DPP10: variants seen among roughly 807,000 people sequenced by gnomAD.
DPP10 encodes inactive dipeptidyl peptidase 10.
DPP10 carries 33 observed loss-of-function variants against 120.9 expected under a neutral mutation model. The observed-to-expected ratio is 0.27, with a 90% CI of 0.21 to 0.37. The LOEUF (loss-of-function observed/expected upper bound fraction) is 0.37, where lower values mean the gene tolerates loss of function less well. Among genes scored for constraint, DPP10 ranks in the 10% least tolerant of loss-of-function variants. DPP10 has a pLI of 1.00. For missense variants in DPP10, 816 were observed against 942.8 expected (o/e 0.87, Z 1.76); for synonymous variants, 337 against 326.1 (o/e 1.03, Z -0.36).
intron 1 of DPP10, among the ~76,000 whole-genome samples, chr2:114,443,132 A>G (rs1677751786): frequency 1.3e-5 from 2 of 152,030 alleles, no homozygotes; most frequent in Non-Finnish European, 2.9e-5. Flanking sequence ...TTTCCAGTCC[A>G]TGCCAATTTT....
At chr2:115,427,295 G>A (rs183527577) in intron 3 of DPP10, among the ~76,000 whole-genome samples, 22 of 152,288 alleles carry the variant, frequency 1.4e-4, no homozygotes, top group African/African-American at 4.1e-4. Flanking sequence ...TTCCAACCCC[G>A]CATTTCCCCA....
chr2:115,621,765 C>T (rs529797498), intron 5 of DPP10, among the ~76,000 whole-genome samples: 4 of 152,094 alleles, frequency 2.6e-5, no homozygotes, highest in South Asian at 4.1e-4. Flanking sequence ...CTGCAACCTC[C>T]GCCTCCCAGG....
At chr2:115,250,957 G>T (rs2058726250) in intron 1 of DPP10, among the ~76,000 whole-genome samples, 1 of 152,184 alleles carries the variant, frequency 6.6e-6, no homozygotes, top group Non-Finnish European at 1.5e-5. Context: ...CCTGCCAGCA[G>T]TAGTGGACAG....
intron 1 of DPP10, among the ~76,000 whole-genome samples, chr2:114,557,440 T>C (rs1688414700): frequency 6.6e-6 from 1 of 152,160 alleles, no homozygotes; most frequent in African/African-American, 2.4e-5. Flanking sequence ...GAAAGAGAAG[T>C]GGAGACCAAC....
At chr2:114,919,812 A>G (rs1484353853) in intron 1 of DPP10, among the ~76,000 whole-genome samples, 3 of 152,146 alleles carry the variant, frequency 2.0e-5, no homozygotes, top group Non-Finnish European at 2.9e-5. Context: ...TGATGTTTTG[A>G]GCTGAAGGCA....
intron 1 of DPP10, among the ~76,000 whole-genome samples, chr2:115,245,954 A>G (rs1214964679): frequency 6.6e-6 from 1 of 152,090 alleles, no homozygotes; most frequent in African/African-American, 2.4e-5. Flanking sequence ...TTTTGAGCTG[A>G]TGTTAGGTTT....
intron 1 of DPP10, among the ~76,000 whole-genome samples, chr2:114,911,908 C>G (rs986842133): frequency 6.6e-6 from 1 of 152,070 alleles, no homozygotes; most frequent in South Asian, 2.1e-4. Context: ...GAGAGAGCAG[C>G]CTCAGTTAGA....
chr2:115,364,546 A>G (rs2064972341), intron 3 of DPP10, among the ~76,000 whole-genome samples: 1 of 151,976 alleles, frequency 6.6e-6, no homozygotes, highest in Non-Finnish European at 1.5e-5. Context: ...ATTTTTCCAT[A>G]CAAAAAGCAA....
At chr2:115,800,782 C>A (rs973258671) in intron 19 of DPP10, among the ~76,000 whole-genome samples, 1 of 152,058 alleles carries the variant, frequency 6.6e-6, no homozygotes, top group Non-Finnish European at 1.5e-5. Flanking sequence ...CTGTTCTGTT[C>A]CATTGGTCTA....
At chr2:115,088,730 CT>C (rs1708949859) in intron 1 of DPP10, among the ~76,000 whole-genome samples, 2 of 112,984 alleles carry the variant, frequency 1.8e-5, no homozygotes, top group South Asian at 6.0e-4. Flanking sequence ...AGGATTACAG[CT>C]GTGAGCCACT....
intron 7 of DPP10, among the ~76,000 whole-genome samples, chr2:115,693,680 T>C (rs1237109419): frequency 4.6e-5 from 7 of 152,108 alleles, no homozygotes; most frequent in Non-Finnish European, 1.0e-4. Context: ...TTTAATATAT[T>C]TAAGAAAATT....
At chr2:115,799,072 T>C (rs1684867104) in intron 19 of DPP10, among the ~76,000 whole-genome samples, 1 of 152,074 alleles carries the variant, frequency 6.6e-6, no homozygotes, top group Non-Finnish European at 1.5e-5. Flanking sequence ...TCCGTTGATT[T>C]TTAGCTTTTT....
At chr2:114,631,412 G>C (rs1486741070) in intron 1 of DPP10, among the ~76,000 whole-genome samples, 2 of 152,120 alleles carry the variant, frequency 1.3e-5, no homozygotes, top group Non-Finnish European at 2.9e-5. Context: ...TGAGGGAGGA[G>C]TTAACAGGAG....
intron 1 of DPP10, among the ~76,000 whole-genome samples, chr2:114,994,441 A>T (rs1213014074): frequency 6.6e-6 from 1 of 152,058 alleles, no homozygotes; most frequent in East Asian, 1.9e-4. Flanking sequence ...TATATTGGGT[A>T]TTTCTTTGAT....
intron 1 of DPP10, among the ~76,000 whole-genome samples, chr2:114,645,233 A>AATTT (rs1174947139): frequency 1.3e-5 from 2 of 152,064 alleles, no homozygotes; most frequent in Admixed American, 6.5e-5. Flanking sequence ...TTAAAACCTC[A>AATTT]ATTTATTGTT....
chr2:115,455,440 T>A (rs535549703), intron 3 of DPP10, among the ~76,000 whole-genome samples: 4 of 152,234 alleles, frequency 2.6e-5, no homozygotes, highest in Admixed American at 1.3e-4. Context: ...TACTGTTGAC[T>A]TTCTTCACAG....
At chr2:115,212,931 T>A (rs1388474046) in intron 1 of DPP10, among the ~76,000 whole-genome samples, 1 of 152,142 alleles carries the variant, frequency 6.6e-6, no homozygotes, top group African/African-American at 2.4e-5. Context: ...CTATTTTACT[T>A]CTCTTTCAGG....
intron 1 of DPP10, among the ~76,000 whole-genome samples, chr2:114,945,457 C>T (rs952859955): frequency 2.6e-5 from 4 of 152,104 alleles, no homozygotes; most frequent in Non-Finnish European, 4.4e-5. Flanking sequence ...TGAAAGTACA[C>T]AGAGGGCAGG....
intron 1 of DPP10, among the ~76,000 whole-genome samples, chr2:114,696,407 G>A (rs1363294697): frequency 2.0e-5 from 3 of 152,092 alleles, no homozygotes; most frequent in African/African-American, 7.2e-5. Context: ...ATGTTCTGTG[G>A]GATAGTAGCT....
Sources: gnomAD v4.1 joint callset for allele counts (sites outside exome capture counted in the v4.1 genomes callset) on GRCh38, gnomAD v4.1.1 for gene constraint, MANE v1.5 for transcripts, NCBI Gene and HGNC (gene_info 2026-07-23, HGNC 2026-07-21) for gene names.